Variants in KCNN2 observed in about 807,000 individuals in gnomAD.
KCNN2 encodes potassium calcium-activated channel subfamily N member 2, also known as small conductance calcium-activated potassium channel protein 2.
KCNN2 carries 24 observed loss-of-function variants against 55.5 expected under a neutral mutation model. That is an observed-to-expected ratio of 0.43 (90% CI 0.31 to 0.61). The LOEUF (loss-of-function observed/expected upper bound fraction) is 0.61. Ranked by LOEUF, KCNN2 falls within the 20% of genes least tolerant of loss-of-function variation. KCNN2 has a pLI of 0.08. For missense variants in KCNN2, 754 were observed against 853.6 expected, an observed-to-expected ratio of 0.88 and a Z score of 1.45; for synonymous variants, 431 against 336.1, an observed-to-expected ratio of 1.28 and a Z score of -3.09.
At chr5:114,139,096 T>C (rs1350200734) in intron 1 of KCNN2, among the ~76,000 whole-genome samples, 1 of 152,176 alleles carries the variant, frequency 6.6e-6, no homozygotes, top group East Asian at 1.9e-4. Flanking sequence ...ATACAATGTC[T>C]CATAATGGAG....
intron 2 of KCNN2, among the ~76,000 whole-genome samples, chr5:114,240,620 C>T (rs10900693): frequency 0.36 from 55,192 of 151,626 alleles, 10,553 homozygotes; most frequent in East Asian, 0.74. Context: ...TTAGTAAAGA[C>T]GGGTTTCGCC....
rs1299911357 is a variant in KCNN2, at chr5:114,249,293, T to TTA, written c.-185+27729_-185+27730insAT. On this transcript the variant is annotated intron_variant, in intron 2 of 10. Coordinates refer to the KCNN2 transcript ENST00000512097. ...CTTTTTCTTTCTTTCTTTCTTTCTT[T>TTA]TTTTTAATGAGAGGGAATCTGGCTC... is the stretch of plus-strand genomic sequence containing the variant. Among the ~76,000 whole-genome samples, 627 of 151,298 alleles carry TTA rather than the reference T, an allele frequency of 4.1e-3. 4 individuals carry two copies. Among genetic ancestry groups the TTA allele is most frequent in the African/African-American group, 0.015 (610 of 41,232 alleles).
intron 2 of KCNN2, among the ~76,000 whole-genome samples, chr5:114,287,729 T>C (rs958838755): frequency 2.6e-5 from 4 of 151,178 alleles, no homozygotes; most frequent in Non-Finnish European, 4.4e-5. Flanking sequence ...ACCTGCACTT[T>C]CTGCACGTGT....
intron 2 of KCNN2, among the ~76,000 whole-genome samples, chr5:114,326,806 T>C (rs1290783691): frequency 6.6e-6 from 1 of 152,216 alleles, no homozygotes; most frequent in Non-Finnish European, 1.5e-5. Flanking sequence ...TGCTTTTCCA[T>C]TTACTATAAG....
intron 2 of KCNN2, among the ~76,000 whole-genome samples, chr5:114,223,870 AG>A (rs748846827): frequency 6.6e-6 from 1 of 152,122 alleles, no homozygotes; most frequent in African/African-American, 2.4e-5. Flanking sequence ...CCTTTGAAGA[AG>A]GGGGCCCCAT....
At chr5:114,162,903 C>T (rs1258177835) in intron 1 of KCNN2, among the ~76,000 whole-genome samples, 3 of 152,112 alleles carry the variant, frequency 2.0e-5, no homozygotes, top group African/African-American at 7.2e-5. Context: ...CGTCTGTCAC[C>T]CCTTTCCTTG....
rs72801876 is a variant in KCNN2, at chr5:114,494,365, T to G, written c.2088+893T>G. Among the ~76,000 whole-genome samples the G allele has an allele frequency of 5.7e-3, 862 of 150,968 alleles. 8 individuals are homozygous for G. The highest frequency in any genetic ancestry group is 0.019 in the Admixed American group (283 of 15,028). ...GTCTCATTAAATAATGCATCTAAAT[T>G]ACATTCATTTTAATGTATAGCAGTA... On this transcript the variant is annotated intron_variant, in intron 7 of 7. Coordinates refer to ENST00000673685, the MANE Select transcript of KCNN2 (RefSeq NM_021614.4).
At chr5:114,345,781 T>C (rs896576608) in intron 2 of KCNN2, among the ~76,000 whole-genome samples, 2 of 152,066 alleles carry the variant, frequency 1.3e-5, no homozygotes, top group Admixed American at 6.6e-5. Context: ...CTGGGAGCTT[T>C]TATTTTTTAT....
rs532833163 is a variant in KCNN2 at position 114,113,649 on chromosome 5, A to G, written c.-271+57149A>G. On this transcript the variant is annotated intron_variant, in intron 1 of 10. Transcript: ENST00000512097. ...TTTAACAAAGAGTGATAAATTATGGACATGTGACAAGGCAAAGGAAAGATT... is the reference window on the plus strand; with the variant it reads ...TTTAACAAAGAGTGATAAATTATGGGCATGTGACAAGGCAAAGGAAAGATT... Among the ~76,000 whole-genome samples the G allele has an allele frequency of 4.6e-5, 7 of 152,238 alleles. No homozygotes were observed. In the South Asian group the frequency reaches 1.4e-3, roughly 32 times the overall value.
chr5:114,329,596 C>G (rs1756772482), intron 2 of KCNN2, among the ~76,000 whole-genome samples: 1 of 152,124 alleles, frequency 6.6e-6, no homozygotes, highest in African/African-American at 2.4e-5. Flanking sequence ...TGTTGGCTTC[C>G]TTAGTTTTGA....
intron 2 of KCNN2, among the ~76,000 whole-genome samples, chr5:114,302,077 C>T (rs1413227875): frequency 6.6e-6 from 1 of 152,164 alleles, no homozygotes; most frequent in Non-Finnish European, 1.5e-5. Context: ...TTCCTAAAAA[C>T]TGGAAAGTAT....
intron 1 of KCNN2, among the ~76,000 whole-genome samples, chr5:114,160,997 C>A (rs948816820): frequency 3.9e-5 from 6 of 152,076 alleles, no homozygotes; most frequent in Non-Finnish European, 8.8e-5. Flanking sequence ...GCATTTAGTC[C>A]ATTTACATTT....
intron 2 of KCNN2, among the ~76,000 whole-genome samples, chr5:114,383,274 T>C (rs945665041): frequency 3.3e-5 from 5 of 152,134 alleles, no homozygotes; most frequent in Non-Finnish European, 2.9e-5. Flanking sequence ...TACTTTCTTA[T>C]TGCTCTCTCA....
At chr5:114,094,588 A>G (rs1380757642) in intron 1 of KCNN2, among the ~76,000 whole-genome samples, 1 of 152,244 alleles carries the variant, frequency 6.6e-6, no homozygotes, top group Admixed American at 6.5e-5. Flanking sequence ...AGAAAAGAAA[A>G]GGAACAAGTA....
intron 1 of KCNN2, among the ~76,000 whole-genome samples, chr5:114,114,182 C>T (rs1751664931): frequency 6.6e-6 from 1 of 152,022 alleles, no homozygotes; most frequent in African/African-American, 2.4e-5. Context: ...TAAATTGATG[C>T]AGACTCTTCT....
intron 2 of KCNN2, among the ~76,000 whole-genome samples, chr5:114,276,840 A>G (rs1456906434): frequency 6.6e-6 from 1 of 151,948 alleles, no homozygotes; most frequent in Non-Finnish European, 1.5e-5. Flanking sequence ...TTTACATTTA[A>G]GTTTAATATT....
intron 3 of KCNN2, among the ~76,000 whole-genome samples, chr5:114,410,543 T>G (rs1452777320): frequency 6.6e-6 from 1 of 152,126 alleles, no homozygotes; most frequent in Non-Finnish European, 1.5e-5. Flanking sequence ...ATACTGAAGT[T>G]TTGGAGATAG....
At chr5:114,336,060 C>T (rs1267804626) in intron 2 of KCNN2, among the ~76,000 whole-genome samples, 2 of 152,166 alleles carry the variant, frequency 1.3e-5, no homozygotes, top group Non-Finnish European at 2.9e-5. Flanking sequence ...CATTCTAAAG[C>T]AACTAATTGA....
chr5:114,152,840 G>A (rs1217288456), intron 1 of KCNN2, among the ~76,000 whole-genome samples: 1 of 152,060 alleles, frequency 6.6e-6, no homozygotes, highest in African/African-American at 2.4e-5. Flanking sequence ...GCGGGAGCAT[G>A]GCTAACATGA....
Sources: gnomAD v4.1 joint callset for allele counts (sites outside exome capture counted in the v4.1 genomes callset) on GRCh38, gnomAD v4.1.1 for gene constraint, MANE v1.5 for transcripts, NCBI Gene and HGNC (gene_info 2026-07-23, HGNC 2026-07-21) for gene names.